MATN2: variants seen among roughly 807,000 people sequenced by gnomAD.
The protein encoded by MATN2 is matrilin-2.
A neutral mutation model predicts 103.2 loss-of-function variants in MATN2; 69 were observed. That is an observed-to-expected ratio of 0.67 (90% CI 0.55 to 0.82). The LOEUF (loss-of-function observed/expected upper bound fraction) is 0.82, where lower values mean the gene tolerates loss of function less well. MATN2 is among the 40% of genes least tolerant of loss of function. MATN2 has a pLI of 0.00. For missense variants in MATN2, 1,023 were observed against 1,211.5 expected (o/e 0.84, Z 2.31); for synonymous variants, 429 against 450.2 (o/e 0.95, Z 0.60).
Position 98,007,434 on chromosome 8 carries a change from C to T in MATN2, c.1451-45C>T. ...GTCACTTGATCCAATCACTGTCGCCCAGAGGTCTCACTGATAAAGGGCTGC... is the reference window on the plus strand; with the variant it reads ...GTCACTTGATCCAATCACTGTCGCCTAGAGGTCTCACTGATAAAGGGCTGC... On this transcript the variant is annotated intron_variant, in intron 9 of 18. Coordinates refer to ENST00000254898, the MANE Select transcript of MATN2 (RefSeq NM_002380.5). The surrounding 1 kb of genome is among the most constrained non-coding windows in gnomAD (Gnocchi z 4.2). 1 of 1,595,114 alleles carries T rather than the reference C, an allele frequency of 6.3e-7. No individual in the cohort carries two copies. Among genetic ancestry groups the T allele is most frequent in the Non-Finnish European group, 8.6e-7 (1 of 1,165,024 alleles).
At chr8:97,977,346 A>G (rs1464346045) in intron 5 of MATN2, among the ~76,000 whole-genome samples, 1 of 151,996 alleles carries the variant, frequency 6.6e-6, no homozygotes, top group African/African-American at 2.4e-5. Context: ...TCTTCTTATA[A>G]GAACACCAGT....
At chr8:97,932,324 C>A (rs1810226121) in intron 3 of MATN2, among the ~76,000 whole-genome samples, 1 of 151,992 alleles carries the variant, frequency 6.6e-6, no homozygotes, top group African/African-American at 2.4e-5. Flanking sequence ...GGCATTTTTG[C>A]CCCATGGTGG....
At chr8:98,003,179 G>C (rs561099917) in intron 7 of MATN2, among the ~76,000 whole-genome samples, 1 of 152,060 alleles carries the variant, frequency 6.6e-6, no homozygotes, top group East Asian at 1.9e-4. Context: ...TGTGTTCACT[G>C]TTCCCTCATC....
chr8:98,027,389 A>G (rs988149419), intron 13 of MATN2, 27 bp from the exon 14 acceptor site: 2 of 1,546,866 alleles, frequency 1.3e-6, no homozygotes, highest in Admixed American at 1.9e-5. Context: ...TTATTCAACT[A>G]TGTCAACTTT....
intron 1 of MATN2, among the ~76,000 whole-genome samples, chr8:97,871,448 C>G (rs1156478689): frequency 6.6e-6 from 1 of 152,154 alleles, no homozygotes; most frequent in African/African-American, 2.4e-5. Context: ...TGGTTTAAGA[C>G]CAGTCAAGTT....
chr8:97,881,642 T>A (rs1057208800), intron 1 of MATN2, among the ~76,000 whole-genome samples: 3 of 152,254 alleles, frequency 2.0e-5, no homozygotes, highest in Non-Finnish European at 4.4e-5. Context: ...ACAGAAATTC[T>A]TCTCAGATGC....
chr8:98,019,120 T>TATAC (rs1554615481), intron 12 of MATN2, among the ~76,000 whole-genome samples: 2 of 150,128 alleles, frequency 1.3e-5, no homozygotes, highest in Non-Finnish European at 3.0e-5. Flanking sequence ...TATATATATA[T>TATAC]ACACACACAT....
intron 2 of MATN2, among the ~76,000 whole-genome samples, chr8:97,920,399 G>A (rs1809773701): frequency 1.3e-5 from 2 of 152,164 alleles, no homozygotes; most frequent in South Asian, 4.2e-4. Flanking sequence ...GTAGAGATGG[G>A]GTTTTGCCAT....
intron 1 of MATN2, 48 bp from the exon 2 acceptor site, chr8:97,888,027 G>A: frequency 6.4e-7 from 1 of 1,553,082 alleles, no homozygotes; most frequent in Non-Finnish European, 8.7e-7. Context: ...AGTTCAGGGA[G>A]ACCCGGAAAT....
intron 3 of MATN2, among the ~76,000 whole-genome samples, chr8:97,937,233 A>T (rs1413201451): frequency 6.6e-6 from 1 of 152,146 alleles, no homozygotes; most frequent in African/African-American, 2.4e-5. Flanking sequence ...CCCCGATGCA[A>T]GGTGTCTGGA....
intron 2 of MATN2, among the ~76,000 whole-genome samples, chr8:97,888,936 C>T (rs548405765): frequency 1.1e-4 from 17 of 152,198 alleles, no homozygotes; most frequent in African/African-American, 3.6e-4. Context: ...TGTGATATAA[C>T]GTAGGTGATA....
At chr8:97,945,717 A>AAAAATATATATATAT (rs59472539) in intron 4 of MATN2, among the ~76,000 whole-genome samples, 9 of 121,832 alleles carry the variant, frequency 7.4e-5, no homozygotes, top group African/African-American at 2.2e-4. Context: ...AAAAAAAAAA[A>AAAAATATATATATAT]ATATATATAT....
intron 6 of MATN2, among the ~76,000 whole-genome samples, chr8:97,987,857 T>C (rs1370803088): frequency 6.6e-6 from 1 of 152,026 alleles, no homozygotes; most frequent in Non-Finnish European, 1.5e-5. Context: ...ATAGAAGACA[T>C]AAATCAATAG....
At chr8:97,936,150 A>G (rs897067769) in intron 3 of MATN2, among the ~76,000 whole-genome samples, 2 of 152,160 alleles carry the variant, frequency 1.3e-5, no homozygotes, top group African/African-American at 4.8e-5. Flanking sequence ...CAAGATGACC[A>G]AACCCCACAC....
At chr8:97,964,524 G>A (rs1471816274) in intron 5 of MATN2, among the ~76,000 whole-genome samples, 5 of 148,210 alleles carry the variant, frequency 3.4e-5, no homozygotes, top group Non-Finnish European at 5.9e-5. Flanking sequence ...TTGCAGCCTC[G>A]ACCTCCTGGG....
chr8:97,917,134 C>T lies in MATN2; in HGVS notation c.143-13819C>T, dbSNP rs969376060. ...CATCCTTGCTACCCAAAGATGCACACCCATTCCCCAGCACCTTCATAAAAC... is the reference window on the plus strand; with the variant it reads ...CATCCTTGCTACCCAAAGATGCACATCCATTCCCCAGCACCTTCATAAAAC... On this transcript the variant is annotated intron_variant, in intron 2 of 18. Transcript: ENST00000254898. Among the ~76,000 whole-genome samples, 5 of 152,138 alleles carry T rather than the reference C, an allele frequency of 3.3e-5. No homozygotes were observed. The South Asian group carries it at 1.0e-3, about 32-fold the overall frequency.
At chr8:97,938,696 C>T (rs1810458517) in intron 3 of MATN2, among the ~76,000 whole-genome samples, 1 of 152,150 alleles carries the variant, frequency 6.6e-6, no homozygotes. Flanking sequence ...TCATTATTCA[C>T]AATAATTATG....
At chr8:97,938,957 C>T (rs1360049270) in intron 3 of MATN2, among the ~76,000 whole-genome samples, 4 of 152,114 alleles carry the variant, frequency 2.6e-5, no homozygotes, top group African/African-American at 9.7e-5. Flanking sequence ...GCAACCTCTG[C>T]CTCCCGGTTT....
chr8:98,012,800 C>T (rs879305686), intron 10 of MATN2, among the ~76,000 whole-genome samples: 3 of 152,158 alleles, frequency 2.0e-5, no homozygotes, highest in Non-Finnish European at 2.9e-5. Flanking sequence ...CCCATCTCTG[C>T]CCCCAGGACA....
Sources: allele counts gnomAD v4.1 joint callset (sites outside exome capture counted in the v4.1 genomes callset), GRCh38; gene constraint gnomAD v4.1.1; non-coding constraint Gnocchi (gnomAD v3.1); transcripts MANE v1.5; gene names NCBI Gene and HGNC (gene_info 2026-07-23, HGNC 2026-07-21).